Variants in PIGB observed in about 807,000 individuals in gnomAD.
PIGB encodes phosphatidylinositol glycan anchor biosynthesis class B.
Under a neutral mutation model 68.4 loss-of-function variants are expected in PIGB, and 58 were observed. The ratio of observed to expected loss-of-function variants is 0.85; its 90% CI spans 0.69 to 1.06. The LOEUF (loss-of-function observed/expected upper bound fraction) is 1.06, where lower values mean the gene tolerates loss of function less well. Ranked by LOEUF, PIGB falls within the 50% of genes least tolerant of loss-of-function variation. The pLI is 0.00. For synonymous variants in PIGB, 219 were observed against 220.5 expected (o/e 0.99, Z 0.06); for missense variants, 634 against 655.8 (o/e 0.97, Z 0.36).
intron 9 of PIGB, among the ~76,000 whole-genome samples, chr15:55,347,801 A>G (rs1392316891): frequency 6.6e-6 from 1 of 152,124 alleles, no homozygotes; most frequent in Admixed American, 6.6e-5. Context: ...AATCACCATC[A>G]TGTAAGGCAA....
At position 55,320,201 on chromosome 15, in the gene PIGB, A is replaced by G. The variant is rs1036534414; in HGVS notation, c.164-74A>G. 4 of 1,436,732 alleles carry G rather than the reference A, an allele frequency of 2.8e-6. 1 individual carries two copies. Among genetic ancestry groups the G allele is most frequent in the Admixed American group, 4.0e-5 (2 of 49,442 alleles). The allele number at this position is 1,436,732 out of a possible 1,614,324, so 89.0% of individuals were successfully genotyped here. On this transcript the variant is annotated intron_variant, in intron 1 of 11. Transcript: ENST00000164305. ...TGCCTTACAAGGAGCCAACCAGAGC[A>G]GCAGATTTTAAGTTTTGCAAGTGGA...
intron 6 of PIGB, among the ~76,000 whole-genome samples, chr15:55,334,986 T>G (rs1176049615): frequency 6.6e-6 from 1 of 152,218 alleles, no homozygotes; most frequent in East Asian, 1.9e-4. Flanking sequence ...CCCAAAGTGC[T>G]GGAAATACAG....
In PIGB at chr15:55,355,424, A is replaced by G; in HGVS notation, c.1657A>G (p.Lys553Glu). 6.2e-7 allele frequency: 1 copy of G among 1,606,772 alleles called. No individual in the cohort carries two copies. The highest frequency in any genetic ancestry group is 8.5e-7 in the Non-Finnish European group (1 of 1,177,256). The stretch of plus-strand genomic sequence containing the variant: ...AAAAGGGAAATTCAACATGAAGATG[A>G]AATTCTGAACTTTCCTAGATAAATT... ...KLKGKFNMKM[K>E]F The change falls in exon 12 of 12, where the codon AAA (lysine) becomes GAA (glutamate). Residue 553 changes from lysine (K) to glutamate (E), a missense_variant. Transcript: ENST00000164305.
intron 5 of PIGB, among the ~76,000 whole-genome samples, chr15:55,330,591 A>G (rs1235579340): frequency 6.6e-6 from 1 of 152,210 alleles, no homozygotes; most frequent in Non-Finnish European, 1.5e-5. Context: ...GATGCATGGA[A>G]GAAGAGAAGA....
At chr15:55,348,842 G>T (rs1176513552) in intron 9 of PIGB, among the ~76,000 whole-genome samples, 1 of 152,178 alleles carries the variant, frequency 6.6e-6, no homozygotes, top group Non-Finnish European at 1.5e-5. Context: ...TACTAAAATA[G>T]ATGTTGTTTT....
intron 6 of PIGB, among the ~76,000 whole-genome samples, chr15:55,338,511 G>C (rs79201621): frequency 0.032 from 4,891 of 152,026 alleles, 84 homozygotes; most frequent in Non-Finnish European, 0.041. Flanking sequence ...CAGTCATGGC[G>C]GCACACACCT....
At position 55,340,883 on chromosome 15, in the gene PIGB, A is replaced by G. The variant is rs927383334; in HGVS notation, c.1058+60A>G. On this transcript the variant is annotated intron_variant, in intron 8 of 11. Coordinates refer to ENST00000164305, the MANE Select transcript of PIGB (RefSeq NM_004855.5). ...TTATGTTACCAAGAAATCAAATTAA[A>G]TTCTTCAAAAAGTAAACTTTATGTT... The G allele has an allele frequency of 2.7e-6, 3 of 1,112,120 alleles. No homozygotes were observed. The African/African-American group carries it at 4.8e-5, about 18-fold the overall frequency. 68.9% of individuals were successfully genotyped at this position (1,112,120 alleles called of 1,614,324 possible). A position where few individuals can be genotyped will look rare whatever the true frequency, so the allele number is the denominator to read the frequency against.
Position 55,339,266 on chromosome 15 carries a change from G to C in PIGB, c.795-1G>C, listed in dbSNP as rs1163732372. On this transcript the variant is annotated splice_acceptor_variant, in intron 6 of 11. Transcript: ENST00000164305. LOFTEE classifies it high-confidence loss of function. ...ATCACTATGCTATTTTTGTTTTTCA[G>C]CTTTGTTACTTTGAGTTTGTCTCTG... 6.4e-7 allele frequency: 1 copy of C among 1,550,564 alleles called. No individual in the cohort carries two copies. The highest frequency in any genetic ancestry group is 2.0e-5 in the Admixed American group (1 of 50,538).
intron 9 of PIGB, 65 bp from the exon 10 acceptor site, chr15:55,350,634 G>T (rs2055900656): frequency 6.3e-6 from 6 of 952,634 alleles, no homozygotes; most frequent in Non-Finnish European, 9.9e-6. Flanking sequence ...AATTACAGAT[G>T]TATTTGCAGT....
intron 9 of PIGB, among the ~76,000 whole-genome samples, chr15:55,342,383 A>G (rs2055689990): frequency 6.6e-6 from 1 of 152,178 alleles, no homozygotes; most frequent in Non-Finnish European, 1.5e-5. Context: ...ACTCTAAGGC[A>G]TATGCAATTA....
rs1005870975 is a variant in PIGB at position 55,319,416 on chromosome 15, G to A, written c.163+3G>A. The A allele has an allele frequency of 2.3e-5, 35 of 1,551,360 alleles. No individual in the cohort carries two copies. The African/African-American group carries it at 4.5e-4, about 20-fold the overall frequency. ...GAAGAGCGCCAGGCGCCGCGGGGGT[G>A]AGTGAGGGGACACTGTCTGGAGAGC... On this transcript the variant is annotated splice_donor_region_variant and intron_variant, in intron 1 of 11. Coordinates refer to ENST00000164305, the MANE Select transcript of PIGB (RefSeq NM_004855.5).
chr15:55,336,111 A>G (rs963832562), intron 6 of PIGB, among the ~76,000 whole-genome samples: 3 of 152,298 alleles, frequency 2.0e-5, no homozygotes, highest in African/African-American at 7.2e-5. Flanking sequence ...CAGGTTGAAA[A>G]TATCATAAGT....
At chr15:55,324,657 T>A (rs777217933) in intron 3 of PIGB, 16 of 167,270 alleles carry the variant, frequency 9.6e-5, no homozygotes, top group Non-Finnish European at 1.6e-4. Context: ...CAGAATATGG[T>A]GGGTCCATTA....
At chr15:55,326,402 T>G (rs1470508030) in intron 3 of PIGB, among the ~76,000 whole-genome samples, 1 of 152,162 alleles carries the variant, frequency 6.6e-6, no homozygotes, top group African/African-American at 2.4e-5. Context: ...GAAAATTAGT[T>G]AACCTCTCTG....
At chr15:55,321,714 G>A (rs1310796738) in intron 3 of PIGB, among the ~76,000 whole-genome samples, 1 of 137,092 alleles carries the variant, frequency 7.3e-6, no homozygotes. Context: ...GTGCAATGGC[G>A]TGATCTTGGC....
At chr15:55,347,761 T>A (rs148979275) in intron 9 of PIGB, among the ~76,000 whole-genome samples, 7 of 152,238 alleles carry the variant, frequency 4.6e-5, no homozygotes, top group Non-Finnish European at 8.8e-5. Context: ...AAATGATCCA[T>A]CCTAAAATGA....
chr15:55,337,745 C>G (rs939447858), intron 6 of PIGB, among the ~76,000 whole-genome samples: 1 of 152,066 alleles, frequency 6.6e-6, no homozygotes, highest in African/African-American at 2.4e-5. Flanking sequence ...TTCATTGCAG[C>G]ACTATTCACA....
At chr15:55,348,809 A>G (rs2055861214) in intron 9 of PIGB, among the ~76,000 whole-genome samples, 1 of 152,198 alleles carries the variant, frequency 6.6e-6, no homozygotes, top group African/African-American at 2.4e-5. Context: ...CAAGGCTTTA[A>G]TGTAGCTTTT....
In PIGB at chr15:55,341,805, A is replaced by G. The variant is rs538622264; in HGVS notation, c.1123+3A>G. ...ACCATTCTGTATGGTGTTCTGTGGT[A>G]AGTGCTTTTGTTTGTTATAGAAAAT... is the stretch of plus-strand genomic sequence containing the variant. On this transcript the variant is annotated splice_donor_region_variant and intron_variant, in intron 9 of 11. Transcript: ENST00000164305. 545 of 1,387,476 alleles carry G rather than the reference A, an allele frequency of 3.9e-4. 3 individuals carry two copies. The South Asian group carries it at 8.5e-3, about 22-fold the overall frequency. The allele number at this position is 1,387,476 out of a possible 1,614,324, so 85.9% of individuals were successfully genotyped here. A position where few individuals can be genotyped will look rare whatever the true frequency, so the allele number is the denominator to read the frequency against.
Sources: gnomAD v4.1 joint callset for allele counts (sites outside exome capture counted in the v4.1 genomes callset) on GRCh38, gnomAD v4.1.1 for gene constraint, MANE v1.5 for transcripts, NCBI Gene and HGNC (gene_info 2026-07-23, HGNC 2026-07-21) for gene names.